COL12A1: variants seen among roughly 807,000 people sequenced by gnomAD.
The protein encoded by COL12A1 is collagen alpha-1(XII) chain.
A neutral mutation model predicts 349.7 loss-of-function variants in COL12A1; 114 were observed. The observed-to-expected ratio is 0.33, with a 90% CI of 0.28 to 0.38. COL12A1 has a LOEUF of 0.38. Among genes scored for constraint, COL12A1 ranks in the 10% least tolerant of loss-of-function variants. The pLI, the probability that COL12A1 is intolerant of heterozygous loss-of-function variation, is 1.00. For synonymous variants in COL12A1, 1,369 were observed against 1,329.0 expected, an observed-to-expected ratio of 1.03 and a Z score of -0.66; for missense variants, 3,284 against 3,756.9, an observed-to-expected ratio of 0.87 and a Z score of 3.29.
At position 75,085,229 on chromosome 6, in the gene COL12A1, C is replaced by G; in HGVS notation, c.*1318G>C. On this transcript the variant is annotated 3_prime_UTR_variant, in exon 66 of 66. Coordinates refer to ENST00000322507, the MANE Select transcript of COL12A1 (RefSeq NM_004370.6). Reference sequence around the variant, plus strand: ...CGTGGGGCAGGGCGCGCCGCCAGCGCCGGTGGGGCTCAGGAGGCTCCTCTG... The same window carrying G: ...CGTGGGGCAGGGCGCGCCGCCAGCGGCGGTGGGGCTCAGGAGGCTCCTCTG... 1 of 469,636 alleles carries G rather than the reference C, an allele frequency of 2.1e-6. No individual in the cohort carries two copies. Among genetic ancestry groups the G allele is most frequent in the South Asian group, 1.5e-5 (1 of 64,518 alleles). 29.1% of individuals were successfully genotyped at this position (469,636 alleles called of 1,614,324 possible).
At chr6:75,143,980 G>A (rs1025016550) in intron 25 of COL12A1, among the ~76,000 whole-genome samples, 2 of 152,192 alleles carry the variant, frequency 1.3e-5, no homozygotes, top group African/African-American at 4.8e-5. Context: ...ATTTTCTCCT[G>A]TAATATGAGA....
At position 75,151,856 on chromosome 6, in the gene COL12A1, T is replaced by A. The variant is rs1343472715; in HGVS notation, c.4000+11A>T. 1 of 1,613,158 alleles carries A rather than the reference T, an allele frequency of 6.2e-7. No individual in the cohort carries two copies. On this transcript the variant is annotated intron_variant, in intron 20 of 65. Coordinates refer to ENST00000322507, the MANE Select transcript of COL12A1 (RefSeq NM_004370.6). ...AACCCCAGGGGCATCACTGTCCTTT[T>A]CAGTGCGTACCAATAGCAAACAGCT... is the stretch of plus-strand genomic sequence containing the variant.
intron 27 of COL12A1, among the ~76,000 whole-genome samples, chr6:75,140,647 C>T (rs1389140820): frequency 1.7e-5 from 2 of 116,264 alleles, no homozygotes; most frequent in Non-Finnish European, 3.2e-5. Flanking sequence ...CAGAGCGAGA[C>T]TCTGTCTCAA....
Position 75,085,308 on chromosome 6 carries a change from G to A in COL12A1, c.*1239C>T. ...TTCCGCTGTCCGCTCGGGCTCCACC[G>A]GCACGATGAAGGGCTCGCGCTCAGG... On this transcript the variant is annotated 3_prime_UTR_variant, in exon 66 of 66. Coordinates refer to ENST00000322507, the MANE Select transcript of COL12A1 (RefSeq NM_004370.6). 4.2e-6 allele frequency: 2 copies of A among 471,086 alleles called. No homozygotes were observed. The highest frequency in any genetic ancestry group is 1.5e-5 in the South Asian group (1 of 64,568). 29.2% of individuals were successfully genotyped at this position (471,086 alleles called of 1,614,324 possible). A position where few individuals can be genotyped will look rare whatever the true frequency, so the allele number is the denominator to read the frequency against.
chr6:75,115,055 G>T (rs1178550511), intron 49 of COL12A1, among the ~76,000 whole-genome samples: 1 of 152,074 alleles, frequency 6.6e-6, no homozygotes, highest in Non-Finnish European at 1.5e-5. Flanking sequence ...TACAATCTCT[G>T]CCTCTTAAAA....
chr6:75,176,298 G>A (rs552006990), intron 12 of COL12A1, among the ~76,000 whole-genome samples: 3 of 149,286 alleles, frequency 2.0e-5, no homozygotes, highest in African/African-American at 5.0e-5. Context: ...GTGATACAGT[G>A]TGAGGTGGGA....
intron 14 of COL12A1, among the ~76,000 whole-genome samples, 184 bp downstream of exon 14, chr6:75,165,323 T>C (rs1184408394): frequency 6.6e-6 from 1 of 152,174 alleles, no homozygotes; most frequent in African/African-American, 2.4e-5. Context: ...ATTTCAAAAT[T>C]TGATATACTT....
At chr6:75,147,177 C>T (rs961556302) in intron 23 of COL12A1, among the ~76,000 whole-genome samples, 20 of 152,166 alleles carry the variant, frequency 1.3e-4, no homozygotes, top group African/African-American at 2.2e-4. Flanking sequence ...CAGCCGGGAG[C>T]GCTGGCCGTT....
intron 31 of COL12A1, among the ~76,000 whole-genome samples, chr6:75,135,210 A>G (rs544845890): frequency 1.9e-4 from 29 of 152,198 alleles, no homozygotes; most frequent in Non-Finnish European, 3.8e-4. Flanking sequence ...TTAAGATATG[A>G]AACAATTGCA....
rs1443783158 is a variant in COL12A1 at position 75,090,380 on chromosome 6, A to G, written c.8753-82T>C. 1.6e-5 allele frequency: 21 copies of G among 1,339,968 alleles called. No homozygotes were observed. Among genetic ancestry groups the G allele is most frequent in the Non-Finnish European group, 1.7e-5 (17 of 976,944 alleles). 83.0% of individuals were successfully genotyped at this position (1,339,968 alleles called of 1,614,324 possible). On this transcript the variant is annotated intron_variant, in intron 62 of 65. Transcript: ENST00000322507. This position sits in a 1 kb window ranked among gnomAD's most constrained non-coding sequence, Gnocchi z 4.1. ...GTGAAACTGTTTTCTCTTAGTGTCTAGTGAAATCCATCTCCATTCTGCAAC... is the reference window on the plus strand; with the variant it reads ...GTGAAACTGTTTTCTCTTAGTGTCTGGTGAAATCCATCTCCATTCTGCAAC...
Position 75,095,095 on chromosome 6 carries a change from G to C in COL12A1, c.8649+13C>G. 1 of 1,612,940 alleles carries C rather than the reference G, an allele frequency of 6.2e-7. No individual in the cohort carries two copies. The highest frequency in any genetic ancestry group is 8.5e-7 in the Non-Finnish European group (1 of 1,179,300). ...GAAACCACTGTCAGTAGACATGCAA[G>C]CTGTCCGCTTACTGGTCTGCCATGA... On this transcript the variant is annotated intron_variant, in intron 60 of 65. Transcript: ENST00000322507.
chr6:75,183,698 A>T, intron 9 of COL12A1, 46 bp from the exon 10 acceptor site: 1 of 1,548,654 alleles, frequency 6.5e-7, no homozygotes, highest in Non-Finnish European at 8.7e-7. Flanking sequence ...CATATTAATC[A>T]TTAAAATATA....
At chr6:75,119,551 C>T (rs1030204448) in intron 44 of COL12A1, 78 bp from the exon 45 acceptor site, 81 of 1,497,914 alleles carry the variant, frequency 5.4e-5, no homozygotes, top group Middle Eastern at 5.4e-4. Context: ...TCTCTAGCTG[C>T]GGAATAAAGC....
At chr6:75,109,223 C>T in intron 51 of COL12A1, 56 bp from the exon 52 acceptor site, 1 of 1,272,274 alleles carries the variant, frequency 7.9e-7, no homozygotes, top group Non-Finnish European at 1.1e-6. Context: ...AATTAGCTGA[C>T]TCTGCATAGT....
chr6:75,163,389 A>T (rs1450602952), intron 14 of COL12A1, among the ~76,000 whole-genome samples: 2 of 152,212 alleles, frequency 1.3e-5, no homozygotes, highest in Non-Finnish European at 2.9e-5. Flanking sequence ...GAAAACGAAC[A>T]TTCTCAGCAT....
chr6:75,187,379 A>G (rs571059404), intron 8 of COL12A1, among the ~76,000 whole-genome samples: 49 of 152,124 alleles, frequency 3.2e-4, no homozygotes, highest in African/African-American at 1.2e-3. Context: ...CTACACAGGG[A>G]AAGTTCCAAC....
rs1430386646 is a variant in COL12A1 at position 75,090,768 on chromosome 6, A to C, written c.8753-470T>G. Reference sequence around the variant, plus strand: ...CCAAAGTCAATGATTCACTAAGCTTAGGGCATGGTGCAGGAACTCACTTCT... The same window carrying C: ...CCAAAGTCAATGATTCACTAAGCTTCGGGCATGGTGCAGGAACTCACTTCT... On this transcript the variant is annotated intron_variant, in intron 62 of 65. Transcript: ENST00000322507. This position sits in a 1 kb window ranked among gnomAD's most constrained non-coding sequence, Gnocchi z 4.1. 6.6e-6 allele frequency among the ~76,000 whole-genome samples: 1 copy of C among 152,224 alleles called. No individual in the cohort carries two copies. The highest frequency in any genetic ancestry group is 1.5e-5 in the Non-Finnish European group (1 of 68,036).
At chr6:75,148,886 A>T (rs993844256) in intron 21 of COL12A1, among the ~76,000 whole-genome samples, 2 of 152,174 alleles carry the variant, frequency 1.3e-5, no homozygotes, top group African/African-American at 2.4e-5. Context: ...AGGGACCCAC[A>T]GGGAGATAAT....
chr6:75,087,303 A>C, intron 65 of COL12A1: 8 of 401,344 alleles, frequency 2.0e-5, no homozygotes, highest in Non-Finnish European at 3.1e-5. Context: ...GTCAATTACT[A>C]GCATGCTTTG....
Sources: gnomAD v4.1 joint callset for allele counts (sites outside exome capture counted in the v4.1 genomes callset) on GRCh38, gnomAD v4.1.1 for gene constraint, Gnocchi (gnomAD v3.1) non-coding constraint, MANE v1.5 for transcripts, NCBI Gene and HGNC (gene_info 2026-07-23, HGNC 2026-07-21) for gene names.